Variants in EXD3 observed in about 807,000 individuals in gnomAD.
EXD3 encodes exonuclease mut-7 homolog.
Under a neutral mutation model 98.0 loss-of-function variants are expected in EXD3, and 92 were observed. The observed-to-expected ratio is 0.94, with a 90% CI of 0.79 to 1.12. The LOEUF is 1.12. Ranked by LOEUF, EXD3 falls within the 50% of genes most tolerant of loss-of-function variation. The pLI, the probability that EXD3 is intolerant of heterozygous loss-of-function variation, is 0.00. For missense variants in EXD3, 1,222 were observed against 1,191.6 expected (o/e 1.03, Z -0.38); for synonymous variants, 569 against 526.0 (o/e 1.08, Z -1.12).
rs760518796 is a variant in EXD3 at position 137,385,814 on chromosome 9, G to A, written c.56-2437C>T. ...CTCCCAAAGTGCTGGGATGACAGGC[G>A]TGAGCCACCGCGCCCAGCCCAGATT... On this transcript the variant is annotated intron_variant, in intron 2 of 21. Coordinates refer to ENST00000340951, the MANE Select transcript of EXD3 (RefSeq NM_017820.5). The surrounding 1 kb of genome is among the most constrained non-coding windows in gnomAD (Gnocchi z 4.4). Among the ~76,000 whole-genome samples the A allele has an allele frequency of 4.6e-5, 7 of 152,096 alleles. No individual in the cohort carries two copies. The highest frequency in any genetic ancestry group is 1.0e-4 in the Non-Finnish European group (7 of 68,036).
At position 137,307,099 on chromosome 9, in the gene EXD3, A is replaced by G; in HGVS notation, c.2482T>C (p.Cys828Arg). Reference protein sequence around the residue: ...VGVLRTPGLRCFYCCTGCGKV... With the variant: ...VGVLRTPGLRRFYCCTGCGKV... ...CCACAGCCCGTGCAGCAGTAGAAGCACCGCAGCCCAGGTGTCCTCAGCACA... is the reference window on the plus strand; with the variant it reads ...CCACAGCCCGTGCAGCAGTAGAAGCGCCGCAGCCCAGGTGTCCTCAGCACA... Residue 828 changes from cysteine to arginine, a missense_variant, in exon 22 of 22, where the codon TGC becomes CGC. Transcript: ENST00000340951. 6.2e-7 allele frequency: 1 copy of G among 1,609,530 alleles called. No homozygotes were observed. Among genetic ancestry groups the G allele is most frequent in the South Asian group, 1.1e-5 (1 of 90,572 alleles).
At chr9:137,325,625 G>T (rs897504271) in intron 17 of EXD3, among the ~76,000 whole-genome samples, 6 of 152,034 alleles carry the variant, frequency 3.9e-5, no homozygotes, top group South Asian at 2.1e-4. Context: ...TAGAGACGGG[G>T]TTTCTCCATG....
At chr9:137,409,633 A>C (rs1837899518) in intron 1 of EXD3, among the ~76,000 whole-genome samples, 1 of 149,508 alleles carries the variant, frequency 6.7e-6, no homozygotes. Flanking sequence ...CCTGGACCTA[A>C]AAATGGCCAA....
intron 5 of EXD3, among the ~76,000 whole-genome samples, chr9:137,369,802 C>A (rs1337872233): frequency 6.6e-6 from 1 of 152,218 alleles, no homozygotes; most frequent in African/African-American, 2.4e-5. Context: ...CCGTCAGAGG[C>A]AGTTCAAAGT....
chr9:137,353,742 G>A (rs1204769788), intron 10 of EXD3: 1 of 985,500 alleles, frequency 1.0e-6, no homozygotes, highest in Non-Finnish European at 1.2e-6. Flanking sequence ...GGTCCAGGAT[G>A]GCCTTGAGTG....
intron 17 of EXD3, among the ~76,000 whole-genome samples, chr9:137,327,491 T>G (rs1179053539): frequency 1.3e-5 from 2 of 152,086 alleles, no homozygotes; most frequent in Non-Finnish European, 2.9e-5. Context: ...GATGGATATG[T>G]GATACAGTGA....
Position 137,420,737 on chromosome 9 carries a change from A to ACCCC in EXD3, c.-48+2373_-48+2376dup, listed in dbSNP as rs34647307. On this transcript the variant is annotated intron_variant, in intron 1 of 21. Transcript: ENST00000340951. ...TTTGGGACCTGGAGGACAGACATTC[A>ACCCC]CCCCCCCCCCCAAATTCATACAGGT... is the stretch of plus-strand genomic sequence containing the variant. Among the ~76,000 whole-genome samples, 434 of 112,476 alleles carry ACCCC rather than the reference A, an allele frequency of 3.9e-3. 38 individuals carry two copies. The highest frequency in any genetic ancestry group is 6.3e-3 in the Non-Finnish European group (325 of 51,716). The allele number at this position is 112,476 out of a possible 152,430, so 73.8% of individuals were successfully genotyped here.
At chr9:137,397,556 A>G (rs1837276471) in intron 1 of EXD3, among the ~76,000 whole-genome samples, 1 of 152,226 alleles carries the variant, frequency 6.6e-6, no homozygotes, top group African/African-American at 2.4e-5. Context: ...AAACAAGTGG[A>G]AAAACACAAA....
At chr9:137,311,702 G>T (rs375191522) in intron 19 of EXD3, among the ~76,000 whole-genome samples, 1 of 152,144 alleles carries the variant, frequency 6.6e-6, no homozygotes, top group Non-Finnish European at 1.5e-5. Context: ...GGCCAGGGCT[G>T]GGAAAGCCGG....
chr9:137,309,732 C>T lies in EXD3; in HGVS notation c.2185-32G>A, dbSNP rs762532164. ...GCCAGAGGGGGTGCTGAGGCCCAGG[C>T]GGGGCTTCTCCGGGTGCCCCATACC... On this transcript the variant is annotated intron_variant, in intron 19 of 21. Transcript: ENST00000340951. 32 of 1,520,908 alleles carry T rather than the reference C, an allele frequency of 2.1e-5. No individual in the cohort carries two copies. In the South Asian group the frequency reaches 2.5e-4, roughly 12 times the overall value. The allele number at this position is 1,520,908 out of a possible 1,614,324, so 94.2% of individuals were successfully genotyped here. A position where few individuals can be genotyped will look rare whatever the true frequency, so the allele number is the denominator to read the frequency against.
chr9:137,311,945 C>A (rs1831382110), intron 19 of EXD3, among the ~76,000 whole-genome samples: 1 of 152,160 alleles, frequency 6.6e-6, no homozygotes, highest in Non-Finnish European at 1.5e-5. Flanking sequence ...TGCCTGATAC[C>A]CTGAGACCCG....
At chr9:137,381,725 C>G (rs1836281915) in intron 3 of EXD3, among the ~76,000 whole-genome samples, 2 of 152,224 alleles carry the variant, frequency 1.3e-5, no homozygotes, top group African/African-American at 4.8e-5. Flanking sequence ...CTTCATCTCC[C>G]TCCTCTGGGG....
At chr9:137,370,532 G>T (rs1012421952) in intron 5 of EXD3, among the ~76,000 whole-genome samples, 32 of 151,842 alleles carry the variant, frequency 2.1e-4, no homozygotes, top group Non-Finnish European at 4.0e-4. Flanking sequence ...AGAGAGACGA[G>T]GCTGTCCAGC....
At chr9:137,380,088 C>T (rs1394255210) in intron 3 of EXD3, among the ~76,000 whole-genome samples, 1 of 151,988 alleles carries the variant, frequency 6.6e-6, no homozygotes, top group Admixed American at 6.6e-5. Flanking sequence ...TGCCAAGACC[C>T]TTGGGACCCA....
intron 17 of EXD3, among the ~76,000 whole-genome samples, chr9:137,336,516 C>T (rs1474184411): frequency 2.0e-5 from 3 of 151,962 alleles, no homozygotes; most frequent in African/African-American, 7.3e-5. Context: ...CAAACATTAG[C>T]TGGGTGTGGT....
rs1398639904 is a variant in EXD3, at chr9:137,355,440, GA to G, written c.758-668del. Among the ~76,000 whole-genome samples the G allele has an allele frequency of 7.0e-5, 6 of 86,186 alleles. 1 individual carries two copies. The highest frequency in any genetic ancestry group is 9.6e-3 in the Middle Eastern group (2 of 208). The allele number at this position is 86,186 out of a possible 152,430, so 56.5% of individuals were successfully genotyped here. A position where few individuals can be genotyped will look rare whatever the true frequency, so the allele number is the denominator to read the frequency against. On this transcript the variant is annotated intron_variant, in intron 8 of 21. Transcript: ENST00000340951. ...GGAGGAAGGAGGAAGGAGGATGGAG[GA>G]AGGGAGGATGGAGGAAGGAGAAAGG...
intron 1 of EXD3, among the ~76,000 whole-genome samples, chr9:137,398,049 C>T (rs1462215699): frequency 6.6e-6 from 1 of 152,182 alleles, no homozygotes; most frequent in Non-Finnish European, 1.5e-5. Context: ...TAAATGGAAA[C>T]TCGGCAATAA....
chr9:137,370,264 A>G (rs985042882), intron 5 of EXD3, among the ~76,000 whole-genome samples: 2 of 151,992 alleles, frequency 1.3e-5, no homozygotes, highest in African/African-American at 4.8e-5. Context: ...TTCTGTCTGA[A>G]CTTCCCTGAG....
chr9:137,346,238 CAA>C (rs563761495), intron 17 of EXD3, among the ~76,000 whole-genome samples: 146 of 13,566 alleles, frequency 0.011, no homozygotes, highest in African/African-American at 0.035. Context: ...GACTCCGTCT[CAA>C]AAAAAAAAAA....
Sources: allele counts gnomAD v4.1 joint callset (sites outside exome capture counted in the v4.1 genomes callset), GRCh38; gene constraint gnomAD v4.1.1; non-coding constraint Gnocchi (gnomAD v3.1); transcripts MANE v1.5; gene names NCBI Gene and HGNC (gene_info 2026-07-23, HGNC 2026-07-21).